PTPRN2: variants seen among roughly 807,000 people sequenced by gnomAD.
PTPRN2 encodes receptor-type tyrosine-protein phosphatase N2.
Under a neutral mutation model 118.8 loss-of-function variants are expected in PTPRN2, and 74 were observed. The observed-to-expected ratio is 0.62, with a 90% CI of 0.52 to 0.76. The LOEUF is 0.76. PTPRN2 is among the 30% of genes least tolerant of loss of function. The pLI is 0.00. For synonymous variants in PTPRN2, 641 were observed against 608.0 expected (o/e 1.05, Z -0.80); for missense variants, 1,481 against 1,394.4 (o/e 1.06, Z -0.99).
intron 12 of PTPRN2, among the ~76,000 whole-genome samples, chr7:157,724,928 G>C (rs1265110509): frequency 6.6e-6 from 1 of 152,200 alleles, no homozygotes; most frequent in Non-Finnish European, 1.5e-5. Flanking sequence ...AAATGGGACA[G>C]AGTCAATATC....
rs138915849 is a variant in PTPRN2 at position 158,294,361 on chromosome 7, C to T, written c.277+22458G>A. ...AAAATAAGAAGGATTTTTGTTTTCC[C>T]CCAAAGTGATGAAATTACATGAGAG... On this transcript the variant is annotated intron_variant, in intron 3 of 22. Transcript: ENST00000389418. Among the ~76,000 whole-genome samples the T allele has an allele frequency of 7.9e-4, 121 of 152,254 alleles. 1 individual carries two copies. The highest frequency in any genetic ancestry group is 2.9e-3 in the African/African-American group (119 of 41,536).
intron 2 of PTPRN2, among the ~76,000 whole-genome samples, chr7:158,459,412 G>A (rs1329435242): frequency 2.6e-5 from 4 of 151,630 alleles, no homozygotes; most frequent in African/African-American, 9.7e-5. Context: ...CGCCTGGGAC[G>A]AACGGGATCC....
chr7:157,742,582 A>G (rs915050765), intron 12 of PTPRN2, among the ~76,000 whole-genome samples: 1 of 151,762 alleles, frequency 6.6e-6, no homozygotes, highest in Non-Finnish European at 1.5e-5. Flanking sequence ...AGGTGAAGCC[A>G]TCTGCAGATG....
At chr7:158,105,919 T>C (rs892183974) in intron 10 of PTPRN2, among the ~76,000 whole-genome samples, 2 of 150,596 alleles carry the variant, frequency 1.3e-5, no homozygotes, top group African/African-American at 4.9e-5. Flanking sequence ...CTCCATCTCA[T>C]CTCCATACTA....
At chr7:158,564,251 G>A (rs1163993945) in intron 1 of PTPRN2, among the ~76,000 whole-genome samples, 1 of 145,102 alleles carries the variant, frequency 6.9e-6, no homozygotes, top group Non-Finnish European at 1.6e-5. Flanking sequence ...TTTCAAATGA[G>A]TATTATGACA....
chr7:158,409,382 C>A (rs1216369441), intron 2 of PTPRN2, among the ~76,000 whole-genome samples: 1 of 152,014 alleles, frequency 6.6e-6, no homozygotes, highest in Non-Finnish European at 1.5e-5. Flanking sequence ...GAGGACCTAC[C>A]CAGGCATAAG....
At chr7:157,641,068 A>G (rs1210918213) in intron 14 of PTPRN2, among the ~76,000 whole-genome samples, 1 of 152,240 alleles carries the variant, frequency 6.6e-6, no homozygotes, top group East Asian at 1.9e-4. Flanking sequence ...ACAAGGCACA[A>G]CTGAAATACT....
intron 2 of PTPRN2, among the ~76,000 whole-genome samples, chr7:158,434,622 A>G (rs1816446770): frequency 1.3e-5 from 2 of 152,208 alleles, no homozygotes; most frequent in African/African-American, 4.8e-5. Context: ...TGAGTGGAGT[A>G]TTTATCTCAT....
At chr7:157,969,773 G>A (rs1802191559) in intron 11 of PTPRN2, among the ~76,000 whole-genome samples, 1 of 152,070 alleles carries the variant, frequency 6.6e-6, no homozygotes, top group African/African-American at 2.4e-5. Flanking sequence ...AAAAGCTCCT[G>A]AACAGGCCTG....
intron 9 of PTPRN2, among the ~76,000 whole-genome samples, chr7:158,117,890 T>G (rs1260160266): frequency 1.3e-5 from 2 of 152,198 alleles, no homozygotes; most frequent in African/African-American, 2.4e-5. Context: ...GAGAGTTTGT[T>G]ATCACTAGAC....
intron 1 of PTPRN2, among the ~76,000 whole-genome samples, chr7:158,578,783 G>A (rs1224430301): frequency 6.6e-6 from 1 of 151,128 alleles, no homozygotes. Flanking sequence ...TTGTTGTTGA[G>A]ACAGAGTCTC....
At chr7:157,661,292 C>A (rs929824480) in intron 13 of PTPRN2, among the ~76,000 whole-genome samples, 2 of 152,274 alleles carry the variant, frequency 1.3e-5, no homozygotes, top group African/African-American at 2.4e-5. Context: ...ATGTCCCTGG[C>A]AGAGAGGAAG....
rs189488946 is a variant in PTPRN2 at position 158,040,977 on chromosome 7, C to A, written c.1723+40321G>T. Among the ~76,000 whole-genome samples, 1,050 of 152,276 alleles carry A rather than the reference C, an allele frequency of 6.9e-3. 5 individuals are homozygous for A. Among genetic ancestry groups the A allele is most frequent in the Middle Eastern group, 0.017 (5 of 294 alleles). On this transcript the variant is annotated intron_variant, in intron 11 of 22. Transcript: ENST00000389418. Reference sequence around the variant, plus strand: ...TGAACTCCTGACCTCGTGATCTGCCCGCCTCGGCCTCCCAAAGTGCTGGGA... The same window carrying A: ...TGAACTCCTGACCTCGTGATCTGCCAGCCTCGGCCTCCCAAAGTGCTGGGA...
At chr7:158,276,203 C>T (rs1213493194) in intron 3 of PTPRN2, among the ~76,000 whole-genome samples, 1 of 149,804 alleles carries the variant, frequency 6.7e-6, no homozygotes, top group East Asian at 2.0e-4. Flanking sequence ...AGCTCCTGCC[C>T]TGGCCCCGGC....
intron 12 of PTPRN2, among the ~76,000 whole-genome samples, chr7:157,822,290 T>C (rs1018955224): frequency 1.3e-5 from 2 of 151,300 alleles, no homozygotes; most frequent in African/African-American, 2.4e-5. Context: ...CACTCATGCA[T>C]CCATCCACCC....
At chr7:158,225,621 T>A (rs1386404782) in intron 3 of PTPRN2, among the ~76,000 whole-genome samples, 3 of 152,128 alleles carry the variant, frequency 2.0e-5, no homozygotes, top group African/African-American at 7.2e-5. Flanking sequence ...TTAGCTAAGA[T>A]CCAAGTTGGA....
At chr7:158,463,099 C>T (rs1336996135) in intron 2 of PTPRN2, among the ~76,000 whole-genome samples, 1 of 121,586 alleles carries the variant, frequency 8.2e-6, no homozygotes, top group Non-Finnish European at 1.8e-5. Context: ...GAGATGCCGA[C>T]TTGGTCAGTC....
At chr7:158,380,937 CA>C (rs1196044847) in intron 2 of PTPRN2, among the ~76,000 whole-genome samples, 2 of 152,398 alleles carry the variant, frequency 1.3e-5, no homozygotes, top group Non-Finnish European at 2.9e-5. Context: ...CCTCTGAAGC[CA>C]CAGCCTGAGC....
Position 157,632,735 on chromosome 7 carries a change from T to C in PTPRN2, c.2197-11226A>G, listed in dbSNP as rs1804039096. Reference sequence around the variant, plus strand: ...GCAAAGAATTTTAAATGAACAATTTTATGAATCTTATTATCTTATTTAACA... The same window carrying C: ...GCAAAGAATTTTAAATGAACAATTTCATGAATCTTATTATCTTATTTAACA... On this transcript the variant is annotated intron_variant, in intron 14 of 22. Transcript: ENST00000389418. The surrounding 1 kb of genome is among the most constrained non-coding windows in gnomAD (Gnocchi z 4.3). 2.0e-5 allele frequency among the ~76,000 whole-genome samples: 3 copies of C among 152,236 alleles called. No individual in the cohort carries two copies. The highest frequency in any genetic ancestry group is 7.2e-5 in the African/African-American group (3 of 41,456).
Sources: allele counts gnomAD v4.1 joint callset (sites outside exome capture counted in the v4.1 genomes callset), GRCh38; gene constraint gnomAD v4.1.1; non-coding constraint Gnocchi (gnomAD v3.1); transcripts MANE v1.5; gene names NCBI Gene and HGNC (gene_info 2026-07-23, HGNC 2026-07-21).